KIAA1217: variants seen among roughly 807,000 people sequenced by gnomAD.
KIAA1217 encodes the protein sickle tail protein homolog.
A neutral mutation model predicts 163.9 loss-of-function variants in KIAA1217; 88 were observed. The observed-to-expected ratio is 0.54, with a 90% confidence interval of 0.45 to 0.64. The LOEUF is 0.64. Among genes scored for constraint, KIAA1217 ranks in the 30% least tolerant of loss-of-function variants. The pLI, the probability that KIAA1217 is intolerant of heterozygous loss-of-function variation, is 0.00. For missense variants in KIAA1217, 2,372 were observed against 2,475.0 expected (o/e 0.96, Z 0.88); for synonymous variants, 903 against 923.1 (o/e 0.98, Z 0.39).
chr10:23,973,736 T>G (rs1845419721), intron 1 of KIAA1217, among the ~76,000 whole-genome samples: 1 of 152,184 alleles, frequency 6.6e-6, no homozygotes, highest in Non-Finnish European at 1.5e-5. Context: ...CTGTGGTTCA[T>G]GTTGAATGCC....
chr10:24,111,993 G>T (rs1784536857), intron 2 of KIAA1217, among the ~76,000 whole-genome samples: 1 of 152,012 alleles, frequency 6.6e-6, no homozygotes. Flanking sequence ...TAGAGACAGG[G>T]TCTCACTATG....
intron 1 of KIAA1217, among the ~76,000 whole-genome samples, chr10:23,723,636 A>G (rs998433181): frequency 1.3e-5 from 2 of 152,172 alleles, no homozygotes; most frequent in African/African-American, 4.8e-5. Flanking sequence ...ATTTCATGTT[A>G]CATAAAAGAG....
At chr10:24,196,136 A>AACACACACACACAC (rs66954103) in intron 2 of KIAA1217, among the ~76,000 whole-genome samples, 93 of 144,318 alleles carry the variant, frequency 6.4e-4, no homozygotes, top group African/African-American at 2.3e-3. Flanking sequence ...CCTGTCTCAA[A>AACACACACACACAC]ACACACACAC....
In KIAA1217 at chr10:24,544,974, C is replaced by T. The variant is rs1447701344; in HGVS notation, c.5212-7C>T. 1 of 1,613,460 alleles carries T rather than the reference C, an allele frequency of 6.2e-7. No individual in the cohort carries two copies. Among genetic ancestry groups the T allele is most frequent in the African/African-American group, 1.3e-5 (1 of 74,900 alleles). ...TCTCTTCCCCCTCTCACTGGTCCTT[C>T]CCACAGGGCTCCAGCGGGGCCCCAC... On this transcript the variant is annotated splice_polypyrimidine_tract_variant and splice_region_variant and intron_variant, in intron 19 of 20. Coordinates refer to ENST00000376454, the MANE Select transcript of KIAA1217 (RefSeq NM_019590.5).
At chr10:23,801,446 G>T (rs968274236) in intron 1 of KIAA1217, among the ~76,000 whole-genome samples, 4 of 152,126 alleles carry the variant, frequency 2.6e-5, no homozygotes, top group African/African-American at 9.7e-5. Context: ...TGCACATTCT[G>T]CACATGTATC....
At chr10:24,253,585 A>G (rs1424809516) in intron 2 of KIAA1217, among the ~76,000 whole-genome samples, 4 of 152,102 alleles carry the variant, frequency 2.6e-5, no homozygotes, top group Admixed American at 1.3e-4. Flanking sequence ...TTTACTCCTT[A>G]GCCCAGTGTG....
At chr10:23,990,847 A>G (rs1417971892) in intron 1 of KIAA1217, among the ~76,000 whole-genome samples, 1 of 152,204 alleles carries the variant, frequency 6.6e-6, no homozygotes, top group Non-Finnish European at 1.5e-5. Flanking sequence ...GAGGGAGGAA[A>G]GGGCTATAGA....
intron 1 of KIAA1217, among the ~76,000 whole-genome samples, chr10:23,765,218 G>A (rs1195923207): frequency 5.3e-5 from 4 of 75,842 alleles, no homozygotes; most frequent in African/African-American, 5.6e-5. Context: ...TTTTTGAGAC[G>A]GAGTCTTGCT....
chr10:23,839,495 G>T (rs1360703983), intron 1 of KIAA1217, among the ~76,000 whole-genome samples: 1 of 152,046 alleles, frequency 6.6e-6, no homozygotes, highest in East Asian at 1.9e-4. Context: ...TCTTCACCTG[G>T]TCACTGTTAG....
At chr10:23,811,030 A>C (rs1837017710) in intron 1 of KIAA1217, among the ~76,000 whole-genome samples, 1 of 126,686 alleles carries the variant, frequency 7.9e-6, no homozygotes, top group African/African-American at 3.0e-5. Flanking sequence ...ATACTATATG[A>C]TATGTATACA....
chr10:23,753,650 A>G (rs996979561), intron 1 of KIAA1217, among the ~76,000 whole-genome samples: 2 of 152,208 alleles, frequency 1.3e-5, no homozygotes, highest in African/African-American at 4.8e-5. Flanking sequence ...TCTAGTTTCT[A>G]TTGAATGCTG....
chr10:23,899,924 TTTCC>T (rs1429163196), intron 1 of KIAA1217, among the ~76,000 whole-genome samples: 1 of 152,012 alleles, frequency 6.6e-6, no homozygotes, highest in African/African-American at 2.4e-5. Context: ...CTTTCTTTTC[TTTCC>T]TTCTTCCCTC....
intron 2 of KIAA1217, among the ~76,000 whole-genome samples, chr10:24,024,555 A>G (rs1051914756): frequency 5.9e-5 from 9 of 151,748 alleles, no homozygotes; most frequent in Non-Finnish European, 1.0e-4. Context: ...ATGTGGATAT[A>G]AATTTTAATT....
intron 2 of KIAA1217, chr10:24,255,656 T>A (rs2075074234): frequency 2.5e-6 from 1 of 396,028 alleles, no homozygotes; most frequent in Non-Finnish European, 5.0e-6. Flanking sequence ...TAAACTGCTG[T>A]GTGATATGTT....
At chr10:24,128,199 A>C (rs1385679400) in intron 2 of KIAA1217, among the ~76,000 whole-genome samples, 1 of 152,184 alleles carries the variant, frequency 6.6e-6, no homozygotes, top group African/African-American at 2.4e-5. Flanking sequence ...GGCCCTGGTC[A>C]GTGGTTTACA....
chr10:24,043,274 T>C (rs1303117785), intron 2 of KIAA1217, among the ~76,000 whole-genome samples: 1 of 152,194 alleles, frequency 6.6e-6, no homozygotes, highest in African/African-American at 2.4e-5. Flanking sequence ...ACAAATGTAA[T>C]ATTTGGCCCT....
chr10:24,329,036 A>G (rs1400032826), intron 2 of KIAA1217, among the ~76,000 whole-genome samples: 8 of 148,840 alleles, frequency 5.4e-5, no homozygotes, highest in Non-Finnish European at 1.0e-4. Flanking sequence ...AGCATATACT[A>G]TATACATAGT....
At position 24,366,524 on chromosome 10, in the gene KIAA1217, T is replaced by C. The variant is rs562256399; in HGVS notation, c.355-14345T>C. Among the ~76,000 whole-genome samples the C allele has an allele frequency of 2.2e-3, 337 of 152,352 alleles. 1 individual carries two copies. The highest frequency in any genetic ancestry group is 7.9e-3 in the African/African-American group (328 of 41,578). On this transcript the variant is annotated intron_variant, in intron 2 of 20. Coordinates refer to ENST00000376454, the MANE Select transcript of KIAA1217 (RefSeq NM_019590.5). ...TATTTAAATGCTTGCACAGTAAGCA[T>C]TGTAAACCAAAGGCACACTCCAGGG...
At chr10:24,364,067 C>A in intron 2 of KIAA1217, among the ~76,000 whole-genome samples, 1 of 152,016 alleles carries the variant, frequency 6.6e-6, no homozygotes, top group Non-Finnish European at 1.5e-5. Context: ...CAACCTCCGC[C>A]TCCCAGGTTC....
Sources: allele counts gnomAD v4.1 joint callset (sites outside exome capture counted in the v4.1 genomes callset), GRCh38; gene constraint gnomAD v4.1.1; transcripts MANE v1.5; gene names NCBI Gene and HGNC (gene_info 2026-07-23, HGNC 2026-07-21).